PRKCZ: variants seen among roughly 807,000 people sequenced by gnomAD.
PRKCZ encodes the protein protein kinase C zeta.
PRKCZ carries 33 observed loss-of-function variants against 79.5 expected under a neutral mutation model. That is an observed-to-expected ratio of 0.41 (90% CI 0.31 to 0.55). The LOEUF (loss-of-function observed/expected upper bound fraction) is 0.55. PRKCZ is among the 20% of genes least tolerant of loss of function. The pLI is 0.19. For synonymous variants in PRKCZ, 342 were observed against 320.9 expected (o/e 1.07, Z -0.70); for missense variants, 578 against 813.5 (o/e 0.71, Z 3.52).
intron 10 of PRKCZ, chr1:2,169,168 G>A (rs1398386177): frequency 2.2e-6 from 1 of 463,058 alleles, no homozygotes; most frequent in Non-Finnish European, 4.3e-6. Context: ...AGCAGATCCT[G>A]TCCCAGCCCC....
At chr1:2,132,827 G>C (rs1675265225) in intron 4 of PRKCZ, among the ~76,000 whole-genome samples, 1 of 152,202 alleles carries the variant, frequency 6.6e-6, no homozygotes, top group Non-Finnish European at 1.5e-5. Context: ...GGTGGGAAGC[G>C]GGGTCAGCCC....
intron 5 of PRKCZ, chr1:2,142,683 T>C: frequency 6.0e-6 from 1 of 165,628 alleles, no homozygotes; most frequent in African/African-American, 2.4e-5. Flanking sequence ...GGCTCCTTTT[T>C]CCTGTGACGA....
chr1:2,077,350 C>T (rs1321098025), intron 4 of PRKCZ, among the ~76,000 whole-genome samples: 1 of 152,204 alleles, frequency 6.6e-6, no homozygotes, highest in Non-Finnish European at 1.5e-5. Context: ...CAAGACGGAG[C>T]CGCCCTGTGT....
At chr1:2,096,964 A>G (rs534910731) in intron 4 of PRKCZ, among the ~76,000 whole-genome samples, 10 of 152,332 alleles carry the variant, frequency 6.6e-5, no homozygotes, top group Admixed American at 3.3e-4. Flanking sequence ...AGGCCTGGAC[A>G]CGGCCCTGTG....
intron 4 of PRKCZ, among the ~76,000 whole-genome samples, chr1:2,089,833 G>A (rs1421860212): frequency 6.6e-6 from 1 of 152,144 alleles, no homozygotes. Flanking sequence ...CGGAGGCTGC[G>A]GTGGGAGGAC....
intron 16 of PRKCZ, among the ~76,000 whole-genome samples, chr1:2,179,624 C>A (rs1301652245): frequency 2.0e-5 from 3 of 152,238 alleles, no homozygotes; most frequent in Non-Finnish European, 4.4e-5. Context: ...TCATCTCCCC[C>A]TGGATGGAAA....
chr1:2,085,156 G>A (rs536744776), intron 4 of PRKCZ, among the ~76,000 whole-genome samples: 1 of 152,350 alleles, frequency 6.6e-6, no homozygotes, highest in African/African-American at 2.4e-5. Flanking sequence ...GTGAGGAGTA[G>A]AGAGGCAGCT....
Position 2,122,901 on chromosome 1 carries a change from A to G in PRKCZ, c.335-12361A>G, listed in dbSNP as rs796419608. Among the ~76,000 whole-genome samples, 43 of 26,102 alleles carry G rather than the reference A, an allele frequency of 1.6e-3. 1 individual carries two copies. The highest frequency in any genetic ancestry group is 0.018 in the Middle Eastern group (1 of 56). The allele number at this position is 26,102 out of a possible 152,430, so 17.1% of individuals were successfully genotyped here. A position where few individuals can be genotyped will look rare whatever the true frequency, so the allele number is the denominator to read the frequency against. ...CGGTGGTGGTTAGGGTCACGGTGGT[A>G]GTTAGGGTCACGGTGGTGGTTAGGG... On this transcript the variant is annotated intron_variant, in intron 4 of 17. Coordinates refer to ENST00000378567, the MANE Select transcript of PRKCZ (RefSeq NM_002744.6).
chr1:2,136,193 A>C (rs1333817188), intron 5 of PRKCZ, among the ~76,000 whole-genome samples: 1 of 151,098 alleles, frequency 6.6e-6, no homozygotes, highest in Non-Finnish European at 1.5e-5. Context: ...CCCTCCTTCT[A>C]CTCCCATGGT....
intron 4 of PRKCZ, among the ~76,000 whole-genome samples, chr1:2,112,432 C>T (rs1309693526): frequency 6.6e-6 from 1 of 152,150 alleles, no homozygotes; most frequent in African/African-American, 2.4e-5. Flanking sequence ...CAGCCTGGAA[C>T]CCCTGCCCCG....
At chr1:2,102,553 C>G (rs141829549) in intron 4 of PRKCZ, among the ~76,000 whole-genome samples, 1 of 152,086 alleles carries the variant, frequency 6.6e-6, no homozygotes, top group South Asian at 2.1e-4. Context: ...GGGATGGTCT[C>G]GATCTCCTGA....
At chr1:2,116,644 T>A (rs1274901889) in intron 4 of PRKCZ, among the ~76,000 whole-genome samples, 1 of 152,138 alleles carries the variant, frequency 6.6e-6, no homozygotes, top group Non-Finnish European at 1.5e-5. Flanking sequence ...TCCCCTTTGT[T>A]TTTTGCCCCC....
Position 2,172,833 on chromosome 1 carries a change from CTG to C in PRKCZ, c.1285+446_1285+447del. ...GAGTGTTTCTGCTCCTCTCCCCTCT[CTG>C]GGCGTGAAACGGGGACATGGGCACG... On this transcript the variant is annotated intron_variant, in intron 13 of 17. Coordinates refer to ENST00000378567, the MANE Select transcript of PRKCZ (RefSeq NM_002744.6). The surrounding 1 kb of genome is among the most constrained non-coding windows in gnomAD (Gnocchi z 7.8). Among the ~76,000 whole-genome samples the C allele has an allele frequency of 6.6e-6, 1 of 152,272 alleles. No homozygotes were observed. Among genetic ancestry groups the C allele is most frequent in the East Asian group, 1.9e-4 (1 of 5,172 alleles).
At chr1:2,133,622 C>G (rs1041872671) in intron 4 of PRKCZ, 1 of 151,690 alleles carries the variant, frequency 6.6e-6, no homozygotes, top group African/African-American at 2.4e-5. Context: ...TCCCTCGGCT[C>G]CGCCCCCGGC....
At position 2,172,481 on chromosome 1, in the gene PRKCZ, A is replaced by G; in HGVS notation, c.1285+93A>G. 3 of 1,312,636 alleles carry G rather than the reference A, an allele frequency of 2.3e-6. No individual in the cohort carries two copies. Among genetic ancestry groups the G allele is most frequent in the Non-Finnish European group, 3.1e-6 (3 of 964,468 alleles). 81.3% of individuals were successfully genotyped at this position (1,312,636 alleles called of 1,614,324 possible). On this transcript the variant is annotated intron_variant, in intron 13 of 17. Coordinates refer to ENST00000378567, the MANE Select transcript of PRKCZ (RefSeq NM_002744.6). The surrounding 1 kb of genome is among the most constrained non-coding windows in gnomAD (Gnocchi z 7.8). The stretch of plus-strand genomic sequence containing the variant: ...CAGCCAGGGAGAGGTGTCCTTGACC[A>G]TCTTACACCCAAAAGCCACACACTG...
In PRKCZ at chr1:2,148,864, C is replaced by G; in HGVS notation, c.635-8C>G. The G allele has an allele frequency of 6.2e-7, 1 of 1,613,868 alleles. No individual in the cohort carries two copies. Among genetic ancestry groups the G allele is most frequent in the Non-Finnish European group, 8.5e-7 (1 of 1,179,808 alleles). On this transcript the variant is annotated splice_region_variant and splice_polypyrimidine_tract_variant and intron_variant, in intron 7 of 17. Coordinates refer to ENST00000378567, the MANE Select transcript of PRKCZ (RefSeq NM_002744.6). ...GTAACGCCCCTTCCTTCCTCCCTCT[C>G]TCACCAGTTGCTTACATTTCCTCAT...
rs1315098424 is a variant in PRKCZ, at chr1:2,166,887, G to A, written c.975-2631G>A. Among the ~76,000 whole-genome samples, 3 of 152,258 alleles carry A rather than the reference G, an allele frequency of 2.0e-5. No individual in the cohort carries two copies. The East Asian group carries it at 5.8e-4, about 29-fold the overall frequency. On this transcript the variant is annotated intron_variant, in intron 10 of 17. Transcript: ENST00000378567. ...CTCTATGCAGGACAGCGCCTGTGGG[G>A]CACCCAAGTGGGCCGAGCCCATGTG...
chr1:2,135,200 C>T, intron 4 of PRKCZ, 62 bp from the exon 5 acceptor site: 1 of 1,438,356 alleles, frequency 7.0e-7, no homozygotes, highest in South Asian at 1.2e-5. Context: ...GTCGCAGCTG[C>T]ACCCTGCGTG....
In PRKCZ at chr1:2,168,953, C is replaced by T. The variant is rs759807284; in HGVS notation, c.975-565C>T. On this transcript the variant is annotated intron_variant, in intron 10 of 17. Transcript: ENST00000378567. The surrounding 1 kb of genome is among the most constrained non-coding windows in gnomAD (Gnocchi z 4.7). ...GGAAGGGCCTGCGTGGTCCTGATGACATCTGCGGATCTTTTAAAATCATAC... is the reference window on the plus strand; with the variant it reads ...GGAAGGGCCTGCGTGGTCCTGATGATATCTGCGGATCTTTTAAAATCATAC... 3 of 354,538 alleles carry T rather than the reference C, an allele frequency of 8.5e-6. No homozygotes were observed. Among genetic ancestry groups the T allele is most frequent in the African/African-American group, 4.3e-5 (2 of 46,876 alleles). The allele number at this position is 354,538 out of a possible 1,614,324, so 22.0% of individuals were successfully genotyped here. A position where few individuals can be genotyped will look rare whatever the true frequency, so the allele number is the denominator to read the frequency against.
Sources: allele counts gnomAD v4.1 joint callset (sites outside exome capture counted in the v4.1 genomes callset), GRCh38; gene constraint gnomAD v4.1.1; non-coding constraint Gnocchi (gnomAD v3.1); transcripts MANE v1.5; gene names NCBI Gene and HGNC (gene_info 2026-07-23, HGNC 2026-07-21).